Variants in YBX1 observed in about 807,000 individuals in gnomAD.
YBX1 encodes Y-box-binding protein 1.
A neutral mutation model predicts 41.4 loss-of-function variants in YBX1; 3 were observed. That is an observed-to-expected ratio of 0.07 (90% CI 0.03 to 0.19). The LOEUF (loss-of-function observed/expected upper bound fraction) is 0.19, where lower values mean the gene tolerates loss of function less well. YBX1 is among the 10% of genes least tolerant of loss of function. The pLI is 1.00. For missense variants in YBX1, 274 were observed against 462.8 expected (o/e 0.59, Z 3.74); for synonymous variants, 133 against 165.8 (o/e 0.80, Z 1.52).
chr1:42,683,312 C>G, intron 1 of YBX1, 91 bp from the exon 2 acceptor site: 1 of 1,507,992 alleles, frequency 6.6e-7, no homozygotes, highest in Non-Finnish European at 9.2e-7. Context: ...CCGCGGCGGC[C>G]GGCGTGCGAG....
chr1:42,694,943 G>A (rs1235710242), intron 3 of YBX1, among the ~76,000 whole-genome samples: 2 of 152,092 alleles, frequency 1.3e-5, no homozygotes, highest in East Asian at 3.9e-4. Flanking sequence ...GGGTGGAGAT[G>A]TTGATAAAAA....
chr1:42,693,387 C>G, intron 2 of YBX1, 103 bp from the exon 3 acceptor site: 1 of 1,374,412 alleles, frequency 7.3e-7, no homozygotes, highest in Non-Finnish European at 1.0e-6. Flanking sequence ...GCCAAATTTC[C>G]TGGTACCTAA....
intron 3 of YBX1, among the ~76,000 whole-genome samples, chr1:42,695,488 G>A (rs754802744): frequency 2.4e-4 from 37 of 152,194 alleles, no homozygotes; most frequent in Non-Finnish European, 4.3e-4. Context: ...TGAATAGATA[G>A]TAAGTGAAAG....
intron 6 of YBX1, among the ~76,000 whole-genome samples, chr1:42,699,920 G>T (rs753163769): frequency 2.6e-5 from 4 of 152,178 alleles, no homozygotes; most frequent in Non-Finnish European, 5.9e-5. Flanking sequence ...CAGTCTGAAA[G>T]CCCAGGTTAT....
At position 42,683,431 on chromosome 1, in the gene YBX1, G is replaced by A; in HGVS notation, c.195G>A (p.Trp65Ter). ...CGAAGGTTTTGGGAACAGTAAAATG[G>A]TTCAATGTAAGGAACGGATATGGTT... ...IATKVLGTVKWFNVRNGYGFI... is the reference protein window; with the variant it reads ...IATKVLGTVK The change falls in exon 2 of 8, where the codon TGG becomes TGA. Residue 65 changes from tryptophan to a stop codon, truncating the protein, a stop_gained. Coordinates refer to ENST00000321358, the MANE Select transcript of YBX1 (RefSeq NM_004559.5). LOFTEE classifies it high-confidence loss of function. The A allele has an allele frequency of 6.2e-7, 1 of 1,614,182 alleles. No individual in the cohort carries two copies. Among genetic ancestry groups the A allele is most frequent in the Non-Finnish European group, 8.5e-7 (1 of 1,180,040 alleles).
chr1:42,697,674 CT>C (rs901741214), intron 6 of YBX1, among the ~76,000 whole-genome samples: 11 of 151,804 alleles, frequency 7.2e-5, no homozygotes, highest in South Asian at 2.1e-4. Flanking sequence ...TATGTACCCC[CT>C]TTTTTTTGGA....
chr1:42,702,385 T>C lies in YBX1; in HGVS notation c.*436T>C, dbSNP rs1004363832. On this transcript the variant is annotated 3_prime_UTR_variant, in exon 8 of 8. Transcript: ENST00000321358. The stretch of plus-strand genomic sequence containing the variant: ...TAAATTTGTCTAGTTTTGCTTTAGT[T>C]TGTAAGTATTTAGCTATTTATAGGA... 3.9e-5 allele frequency: 6 copies of C among 152,666 alleles called. No homozygotes were observed. The highest frequency in any genetic ancestry group is 1.2e-4 in the African/African-American group (5 of 41,458). The allele number at this position is 152,666 out of a possible 1,614,324, so 9.5% of individuals were successfully genotyped here. A position where few individuals can be genotyped will look rare whatever the true frequency, so the allele number is the denominator to read the frequency against.
intron 2 of YBX1, among the ~76,000 whole-genome samples, chr1:42,685,221 T>A (rs1478489207): frequency 6.6e-6 from 1 of 152,264 alleles, no homozygotes; most frequent in Non-Finnish European, 1.5e-5. Context: ...GTAATATCTT[T>A]ACATTTTTTA....
intron 6 of YBX1, among the ~76,000 whole-genome samples, chr1:42,699,923 C>G (rs1650553501): frequency 1.3e-5 from 2 of 152,112 alleles, no homozygotes; most frequent in African/African-American, 2.4e-5. Context: ...TCTGAAAGCC[C>G]AGGTTATTAG....
intron 2 of YBX1, among the ~76,000 whole-genome samples, chr1:42,692,107 C>T (rs769629706): frequency 4.6e-5 from 7 of 152,202 alleles, no homozygotes; most frequent in African/African-American, 1.2e-4. Context: ...GGATTGCAGG[C>T]GTGAGCCACT....
rs1219880635 is a variant in YBX1 at position 42,696,405 on chromosome 1, A to G, written c.354+117A>G. ...TGTGTTCAGGTGACCTCATGAACAC[A>G]GGTGCATCAAGCCTAATGTTCTGGC... On this transcript the variant is annotated intron_variant, in intron 4 of 7. Transcript: ENST00000321358. This position sits in a 1 kb window ranked among gnomAD's most constrained non-coding sequence, Gnocchi z 5.7. 6.5e-6 allele frequency: 7 copies of G among 1,082,188 alleles called. No individual in the cohort carries two copies. Among genetic ancestry groups the G allele is most frequent in the Non-Finnish European group, 9.4e-6 (7 of 745,600 alleles). The allele number at this position is 1,082,188 out of a possible 1,614,324, so 67.0% of individuals were successfully genotyped here. A position where few individuals can be genotyped will look rare whatever the true frequency, so the allele number is the denominator to read the frequency against.
chr1:42,701,904 G>A (rs1433166322), intron 7 of YBX1, 77 bp from the exon 8 acceptor site: 1 of 152,578 alleles, frequency 6.6e-6, no homozygotes. Context: ...CACAAGTAAT[G>A]TAAACTAGGG....
Position 42,689,577 on chromosome 1 carries a change from G to A in YBX1, c.231-3913G>A, listed in dbSNP as rs367598758. ...TATTTTTTATGTAGATATACAGCTAGGATAAAGATAGTTATGTTTTAAAAG... is the reference window on the plus strand; with the variant it reads ...TATTTTTTATGTAGATATACAGCTAAGATAAAGATAGTTATGTTTTAAAAG... On this transcript the variant is annotated intron_variant, in intron 2 of 7. Transcript: ENST00000321358. Among the ~76,000 whole-genome samples the A allele has an allele frequency of 2.5e-3, 386 of 152,222 alleles. 3 individuals carry two copies. Among genetic ancestry groups the A allele is most frequent in the Middle Eastern group, 0.017 (5 of 294 alleles).
chr1:42,698,633 G>A (rs150047173), intron 6 of YBX1, among the ~76,000 whole-genome samples: 2 of 152,260 alleles, frequency 1.3e-5, no homozygotes, highest in Non-Finnish European at 2.9e-5. Flanking sequence ...TCAGTTCACC[G>A]TTGAGTAAAT....
Position 42,683,150 on chromosome 1 carries a change from C to T in YBX1, c.167-253C>T, listed in dbSNP as rs747443378. The stretch of plus-strand genomic sequence containing the variant: ...GGCTTCCCCTTCCCTCACGTGCTCT[C>T]CGTCCGCGGCCTGCGCACACACCCA... On this transcript the variant is annotated intron_variant, in intron 1 of 7. Coordinates refer to ENST00000321358, the MANE Select transcript of YBX1 (RefSeq NM_004559.5). The T allele has an allele frequency of 5.9e-5, 38 of 641,800 alleles. No homozygotes were observed. The East Asian group carries it at 1.1e-3, about 18-fold the overall frequency. 39.8% of individuals were successfully genotyped at this position (641,800 alleles called of 1,614,324 possible).
Position 42,701,528 on chromosome 1 carries a change from G to T in YBX1, c.*32-453G>T, listed in dbSNP as rs888946002. On this transcript the variant is annotated intron_variant, in intron 7 of 7. Coordinates refer to ENST00000321358, the MANE Select transcript of YBX1 (RefSeq NM_004559.5). ...TATAATCTTTTAATCATTTCTAATT[G>T]TTTTTTTTTTTTGTTGGTTTATGTT... Among the ~76,000 whole-genome samples, 11 of 143,570 alleles carry T rather than the reference G, an allele frequency of 7.7e-5. No homozygotes were observed. The East Asian group carries it at 1.2e-3, about 16-fold the overall frequency. The allele number at this position is 143,570 out of a possible 152,430, so 94.2% of individuals were successfully genotyped here. A position where few individuals can be genotyped will look rare whatever the true frequency, so the allele number is the denominator to read the frequency against.
chr1:42,693,387 C>T lies in YBX1; in HGVS notation c.231-103C>T, dbSNP rs902729697. 8.7e-6 allele frequency: 12 copies of T among 1,374,294 alleles called. No individual in the cohort carries two copies. In the African/African-American group the frequency reaches 1.2e-4, roughly 13 times the overall value. The allele number at this position is 1,374,294 out of a possible 1,614,324, so 85.1% of individuals were successfully genotyped here. ...TGTTTTTTGATTTTTGCCAAATTTC[C>T]TGGTACCTAATTGGCAGCCAGAGAG... On this transcript the variant is annotated intron_variant, in intron 2 of 7. Coordinates refer to ENST00000321358, the MANE Select transcript of YBX1 (RefSeq NM_004559.5).
intron 2 of YBX1, among the ~76,000 whole-genome samples, chr1:42,689,905 G>A (rs1047539793): frequency 6.6e-6 from 1 of 152,142 alleles, no homozygotes; most frequent in African/African-American, 2.4e-5. Context: ...TAGTATTAGT[G>A]AATAGTAAAT....
intron 2 of YBX1, among the ~76,000 whole-genome samples, chr1:42,688,530 C>T (rs12077305): frequency 0.029 from 4,413 of 152,230 alleles, 220 homozygotes; most frequent in African/African-American, 0.096. Context: ...GTAGCCACTG[C>T]CTATTGCTAC....
Sources: allele counts gnomAD v4.1 joint callset (sites outside exome capture counted in the v4.1 genomes callset), GRCh38; gene constraint gnomAD v4.1.1; non-coding constraint Gnocchi (gnomAD v3.1); transcripts MANE v1.5; gene names NCBI Gene and HGNC (gene_info 2026-07-23, HGNC 2026-07-21).